CHRD: variants seen among roughly 807,000 people sequenced by gnomAD.
CHRD encodes the protein chordin.
A neutral mutation model predicts 113.7 loss-of-function variants in CHRD; 69 were observed. The observed-to-expected ratio is 0.61, with a 90% CI of 0.50 to 0.74. The LOEUF is 0.74. CHRD is among the 30% of genes least tolerant of loss of function. The pLI is 0.00. For synonymous variants in CHRD, 561 were observed against 540.8 expected, an observed-to-expected ratio of 1.04 and a Z score of -0.52; for missense variants, 1,194 against 1,295.8, an observed-to-expected ratio of 0.92 and a Z score of 1.21.
At position 184,380,634 on chromosome 3, in the gene CHRD, C is replaced by T. The variant is rs1577377349; in HGVS notation, c.149-58C>T. 20 of 1,389,274 alleles carry T rather than the reference C, an allele frequency of 1.4e-5. No individual in the cohort carries two copies. In the East Asian group the frequency reaches 5.7e-4, roughly 39 times the overall value. 86.1% of individuals were successfully genotyped at this position (1,389,274 alleles called of 1,614,324 possible). Reference sequence around the variant, plus strand: ...GGGACCCGGGACCCGCGGGCAGCCCCCGGGGCGGCACACGGCGCGAGCTGG... The same window carrying T: ...GGGACCCGGGACCCGCGGGCAGCCCTCGGGGCGGCACACGGCGCGAGCTGG... On this transcript the variant is annotated intron_variant, in intron 1 of 22. Transcript: ENST00000204604. This position sits in a 1 kb window ranked among gnomAD's most constrained non-coding sequence, Gnocchi z 6.3.
chr3:184,381,419 G>A lies in CHRD; in HGVS notation c.382+55G>A, dbSNP rs185841327. On this transcript the variant is annotated intron_variant, in intron 3 of 22. Transcript: ENST00000204604. The surrounding 1 kb of genome is among the most constrained non-coding windows in gnomAD (Gnocchi z 4.7). Reference sequence around the variant, plus strand: ...AGGCAGGGCCACGATACTAGGTCCCGGGCCACTTGGATGGGGCGTCGGACT... The same window carrying A: ...AGGCAGGGCCACGATACTAGGTCCCAGGCCACTTGGATGGGGCGTCGGACT... 6,386 of 1,598,442 alleles carry A rather than the reference G, an allele frequency of 4.0e-3. 26 individuals carry two copies. Among genetic ancestry groups the A allele is most frequent in the Middle Eastern group, 9.1e-3 (55 of 6,024 alleles).
At chr3:184,385,959 GCT>G (rs1716210032) in intron 14 of CHRD, 85 bp from the exon 15 acceptor site, 2 of 1,356,864 alleles carry the variant, frequency 1.5e-6, no homozygotes, top group East Asian at 4.6e-5. Context: ...AACCTCCCTG[GCT>G]CTCAGTTTCT....
At position 184,384,759 on chromosome 3, in the gene CHRD, A is replaced by T; in HGVS notation, c.1597+66A>T. Reference sequence around the variant, plus strand: ...GAACATTTGAGGGATGGTGGCAGACAGCCGGAGCCTGGTGTGTCTTTCTTT... The same window carrying T: ...GAACATTTGAGGGATGGTGGCAGACTGCCGGAGCCTGGTGTGTCTTTCTTT... On this transcript the variant is annotated intron_variant, in intron 13 of 22. Transcript: ENST00000204604. This position sits in a 1 kb window ranked among gnomAD's most constrained non-coding sequence, Gnocchi z 4.4. 13 of 1,494,360 alleles carry T rather than the reference A, an allele frequency of 8.7e-6. No individual in the cohort carries two copies. Among genetic ancestry groups the T allele is most frequent in the Non-Finnish European group, 1.2e-5 (13 of 1,122,800 alleles). The allele number at this position is 1,494,360 out of a possible 1,614,324, so 92.6% of individuals were successfully genotyped here.
In CHRD at chr3:184,388,877, C is replaced by A; in HGVS notation, c.2710-16C>A. ...GCCTCTGGGGGACACTCAGTGTCTG[C>A]TCTGTCTTGTACCAGGCAGGGGTGC... is the stretch of plus-strand genomic sequence containing the variant. On this transcript the variant is annotated splice_polypyrimidine_tract_variant and intron_variant, in intron 21 of 22. Transcript: ENST00000204604. This position sits in a 1 kb window ranked among gnomAD's most constrained non-coding sequence, Gnocchi z 6.1. 6.2e-7 allele frequency: 1 copy of A among 1,611,104 alleles called. No individual in the cohort carries two copies. The highest frequency in any genetic ancestry group is 8.5e-7 in the Non-Finnish European group (1 of 1,177,982).
In CHRD at chr3:184,386,169, G is replaced by A. The variant is rs371157507; in HGVS notation, c.1932+10G>A. 36 of 1,613,494 alleles carry A rather than the reference G, an allele frequency of 2.2e-5. No individual in the cohort carries two copies. In the Admixed American group the frequency reaches 2.3e-4, roughly 10 times the overall value. On this transcript the variant is annotated intron_variant, in intron 15 of 22. Transcript: ENST00000204604. ...GGAGCTCCGAGGGCAGGTAGGTGGC[G>A]AGTGTGGGCAGTGGGGGCAGTGGGG... is the stretch of plus-strand genomic sequence containing the variant.
rs1715020984 is a variant in CHRD at position 184,380,106 on chromosome 3, C to G, written c.-213C>G. On this transcript the variant is annotated 5_prime_UTR_variant, in exon 1 of 23. Coordinates refer to ENST00000204604, the Ensembl canonical transcript of CHRD. This position sits in a 1 kb window ranked among gnomAD's most constrained non-coding sequence, Gnocchi z 6.3. ...AGCGCCCGCCCGCCCGCGCTCCTCC[C>G]GGCCGCTCCTCCCGCCCCGCCCGGC... The G allele has an allele frequency of 6.9e-6, 1 of 144,776 alleles. No homozygotes were observed. The highest frequency in any genetic ancestry group is 2.1e-4 in the East Asian group (1 of 4,850). The allele number at this position is 144,776 out of a possible 1,614,324, so 9.0% of individuals were successfully genotyped here. A position where few individuals can be genotyped will look rare whatever the true frequency, so the allele number is the denominator to read the frequency against.
Position 184,380,848 on chromosome 3 carries a change from C to A in CHRD, c.252+53C>A, listed in dbSNP as rs1715238378. 1.4e-6 allele frequency: 2 copies of A among 1,391,114 alleles called. No homozygotes were observed. Among genetic ancestry groups the A allele is most frequent in the South Asian group, 1.4e-5 (1 of 73,504 alleles). The allele number at this position is 1,391,114 out of a possible 1,614,324, so 86.2% of individuals were successfully genotyped here. A position where few individuals can be genotyped will look rare whatever the true frequency, so the allele number is the denominator to read the frequency against. ...CCCTGGCGGGTGGGGAGCGCCGGGT[C>A]GCGCGGGCGTCGGAGTGGACTCGGA... On this transcript the variant is annotated intron_variant, in intron 2 of 22. Coordinates refer to ENST00000204604, the Ensembl canonical transcript of CHRD. This position sits in a 1 kb window ranked among gnomAD's most constrained non-coding sequence, Gnocchi z 6.3.
At position 184,381,487 on chromosome 3, in the gene CHRD, C is replaced by A. The variant is rs780725085; in HGVS notation, c.383-9C>A. On this transcript the variant is annotated splice_polypyrimidine_tract_variant and intron_variant, in intron 3 of 22. Transcript: ENST00000204604. This position sits in a 1 kb window ranked among gnomAD's most constrained non-coding sequence, Gnocchi z 4.7. ...GCTGAAGCCCGTGTTCTTACCCCCC[C>A]GCCCGCAGAGCGCAGCAGTTCGGAG... is the stretch of plus-strand genomic sequence containing the variant. The A allele has an allele frequency of 6.3e-7, 1 of 1,587,092 alleles. No individual in the cohort carries two copies. Among genetic ancestry groups the A allele is most frequent in the Admixed American group, 1.7e-5 (1 of 57,480 alleles).
At chr3:184,389,729 T>TGATA in exon 23 of CHRD, 1 of 336,320 alleles carries the variant, frequency 3.0e-6, no homozygotes. Flanking sequence ...TTATCTTCAC[T>TGATA]CAGCACCAAG....
rs565124701 is a variant in CHRD, at chr3:184,383,761, A to G, written c.1440+119A>G. ...CACTCATGGGTTCTCCCACTCATTCATTTATTCATTTGACTTTTTTTTTTT... is the reference window on the plus strand; with the variant it reads ...CACTCATGGGTTCTCCCACTCATTCGTTTATTCATTTGACTTTTTTTTTTT... On this transcript the variant is annotated intron_variant, in intron 12 of 22. Transcript: ENST00000204604. 5.1e-6 allele frequency: 4 copies of G among 786,860 alleles called. No individual in the cohort carries two copies. The East Asian group carries it at 1.2e-4, about 24-fold the overall frequency. 48.7% of individuals were successfully genotyped at this position (786,860 alleles called of 1,614,324 possible).
At position 184,387,406 on chromosome 3, in the gene CHRD, G is replaced by T; in HGVS notation, c.2380G>T (p.Ala794Ser). ...TTTTGATGGTGACCGGAGCTGGCGG[G>T]CAGCGGGTACGCGGTGGCACCCCGT... Residue 794 changes from alanine to serine, a missense_variant, in exon 19 of 23, where the codon GCA (alanine) becomes TCA (serine). Physicochemically the swap from Ala to Ser is moderately conservative, Grantham distance 99 (BLOSUM62 1). Coordinates refer to ENST00000204604, the Ensembl canonical transcript of CHRD. This position sits in a 1 kb window ranked among gnomAD's most constrained non-coding sequence, Gnocchi z 6.1. The T allele has an allele frequency of 6.2e-7, 1 of 1,612,934 alleles. No homozygotes were observed. The highest frequency in any genetic ancestry group is 8.5e-7 in the Non-Finnish European group (1 of 1,179,598).
rs554177635 is a variant in CHRD at position 184,388,531 on chromosome 3, C to T, written c.2555-56C>T. The stretch of plus-strand genomic sequence containing the variant: ...ACGTGCTGGGTATTCAAAGAGAATA[C>T]TCATAAAACCTTGTTGGTCCTCCTG... On this transcript the variant is annotated intron_variant, in intron 20 of 22. Coordinates refer to ENST00000204604, the Ensembl canonical transcript of CHRD. The surrounding 1 kb of genome is among the most constrained non-coding windows in gnomAD (Gnocchi z 6.1). 1.9e-6 allele frequency: 3 copies of T among 1,554,452 alleles called. No homozygotes were observed. The East Asian group carries it at 6.8e-5, about 35-fold the overall frequency.
Position 184,382,046 on chromosome 3 carries a change from T to C in CHRD, c.699+26T>C, listed in dbSNP as rs1577386730. The C allele has an allele frequency of 3.7e-6, 6 of 1,612,198 alleles. No individual in the cohort carries two copies. The East Asian group carries it at 1.3e-4, about 36-fold the overall frequency. The stretch of plus-strand genomic sequence containing the variant: ...GTGAGATGATGCCATTTATGAGCAC[T>C]TGCCCAGTCTGGGCACTGTGCCGAG... On this transcript the variant is annotated intron_variant, in intron 6 of 22. Transcript: ENST00000204604.
At position 184,380,612 on chromosome 3, in the gene CHRD, A is replaced by AGCCCTTCTG; in HGVS notation, c.149-80_149-79insGCCCTTCTG. 1 of 1,212,102 alleles carries AGCCCTTCTG rather than the reference A, an allele frequency of 8.3e-7. No individual in the cohort carries two copies. The highest frequency in any genetic ancestry group is 1.1e-6 in the Non-Finnish European group (1 of 932,956). The allele number at this position is 1,212,102 out of a possible 1,614,324, so 75.1% of individuals were successfully genotyped here. On this transcript the variant is annotated intron_variant, in intron 1 of 22. Coordinates refer to ENST00000204604, the Ensembl canonical transcript of CHRD. This position sits in a 1 kb window ranked among gnomAD's most constrained non-coding sequence, Gnocchi z 6.3. ...GGGGCAGAAGGGCGCGGTGCCTGGG[A>AGCCCTTCTG]CCCGGGACCCGCGGGCAGCCCCCGG...
Position 184,388,006 on chromosome 3 carries a change from C to T in CHRD, c.2527C>T (p.Pro843Ser). The T allele has an allele frequency of 1.9e-6, 3 of 1,613,728 alleles. No individual in the cohort carries two copies. The highest frequency in any genetic ancestry group is 2.5e-6 in the Non-Finnish European group (3 of 1,179,940). ...CTGTGCCCAGCCTGTGCGTGTCAACCCCACCGACTGCTGCAAACAGTGTCC... is the reference window on the plus strand; with the variant it reads ...CTGTGCCCAGCCTGTGCGTGTCAACTCCACCGACTGCTGCAAACAGTGTCC... Residue 843 changes from proline (P) to serine (S), a missense_variant, in exon 20 of 23, where the codon CCC (proline) becomes TCC (serine). By Grantham distance (74) the Pro-to-Ser change is moderately conservative. Transcript: ENST00000204604. This position sits in a 1 kb window ranked among gnomAD's most constrained non-coding sequence, Gnocchi z 6.1.
chr3:184,382,005 C>T, exon 6 of CHRD: 1 of 1,614,038 alleles, frequency 6.2e-7, no homozygotes, highest in Non-Finnish European at 8.5e-7. Context: ...CTGCAGCCCC[C>T]ACCCAAGATG....
rs1715264958 is a variant in CHRD, at chr3:184,380,964, A to C, written c.252+169A>C. ...GCCCCTCCAATTCTTAGGTGCTGTT[A>C]CTGATCGCCCACTCTGTGTGAGGCT... On this transcript the variant is annotated intron_variant, in intron 2 of 22. Transcript: ENST00000204604. The surrounding 1 kb of genome is among the most constrained non-coding windows in gnomAD (Gnocchi z 6.3). The C allele has an allele frequency of 1.4e-6, 1 of 736,436 alleles. No homozygotes were observed. Among genetic ancestry groups the C allele is most frequent in the Admixed American group, 2.0e-5 (1 of 49,902 alleles). 45.6% of individuals were successfully genotyped at this position (736,436 alleles called of 1,614,324 possible). A position where few individuals can be genotyped will look rare whatever the true frequency, so the allele number is the denominator to read the frequency against.
chr3:184,382,838 A>G lies in CHRD; in HGVS notation c.983-18A>G. The G allele has an allele frequency of 6.2e-7, 1 of 1,612,534 alleles. No homozygotes were observed. Among genetic ancestry groups the G allele is most frequent in the East Asian group, 2.2e-5 (1 of 44,836 alleles). On this transcript the variant is annotated intron_variant, in intron 8 of 22. Transcript: ENST00000204604. ...GAGAGCACCTGTCTCAGAAAGGCCC[A>G]CATGTGCGGCCTTGCAGGACTAACC...
At position 184,388,781 on chromosome 3, in the gene CHRD, G is replaced by A; in HGVS notation, c.2709+40G>A. 3.1e-6 allele frequency: 5 copies of A among 1,611,286 alleles called. No homozygotes were observed. The highest frequency in any genetic ancestry group is 4.2e-6 in the Non-Finnish European group (5 of 1,178,132). ...GAGGCTTGTGTGAGGTGGGTACTGG[G>A]AGCCTGGTCTGGAGTAGGGAGACCT... On this transcript the variant is annotated intron_variant, in intron 21 of 22. Coordinates refer to ENST00000204604, the Ensembl canonical transcript of CHRD. The surrounding 1 kb of genome is among the most constrained non-coding windows in gnomAD (Gnocchi z 6.1).
Sources: gnomAD v4.1 joint callset for allele counts on GRCh38, gnomAD v4.1.1 for gene constraint, Gnocchi (gnomAD v3.1) non-coding constraint, MANE v1.5 for transcripts, NCBI Gene and HGNC (gene_info 2026-07-23, HGNC 2026-07-21) for gene names.